The following MPDZ variants were observed in gnomAD, a reference collection of about 807,000 sequenced individuals.
MPDZ encodes multiple PDZ domain crumbs cell polarity complex component.
A neutral mutation model predicts 239.1 loss-of-function variants in MPDZ; 234 were observed. The observed-to-expected ratio is 0.98, with a 90% CI of 0.88 to 1.09. The LOEUF (loss-of-function observed/expected upper bound fraction) is 1.09, where lower values mean the gene tolerates loss of function less well. Ranked by LOEUF, MPDZ falls within the 50% of genes least tolerant of loss-of-function variation. The pLI is 0.00. For synonymous variants in MPDZ, 1,048 were observed against 881.3 expected, an observed-to-expected ratio of 1.19 and a Z score of -3.35; for missense variants, 3,175 against 2,510.0, an observed-to-expected ratio of 1.26 and a Z score of -5.66.
intron 1 of MPDZ, among the ~76,000 whole-genome samples, chr9:13,257,438 C>CT (rs1211688142): frequency 2.0e-5 from 3 of 152,152 alleles, no homozygotes; most frequent in Non-Finnish European, 4.4e-5. Flanking sequence ...AGCCCAAACT[C>CT]TATCACACTA....
chr9:13,140,195 G>GAA, intron 27 of MPDZ, 46 bp from the exon 28 acceptor site: 1 of 1,555,440 alleles, frequency 6.4e-7, no homozygotes, highest in African/African-American at 1.4e-5. Flanking sequence ...GTCTAAGGAA[G>GAA]AAAACTTCAA....
chr9:13,230,691 T>C (rs540796443), intron 3 of MPDZ, among the ~76,000 whole-genome samples: 1 of 152,230 alleles, frequency 6.6e-6, no homozygotes, highest in East Asian at 1.9e-4. Flanking sequence ...ATAGATCTGA[T>C]CTTGATTGTG....
chr9:13,194,215 T>A lies in MPDZ; in HGVS notation c.1657-902A>T, dbSNP rs191205225. ...ATTACCTTTATCTTGCCAAGGCCCA[T>A]AAATATCTTAGTCCTTTTTCATTTA... On this transcript the variant is annotated intron_variant, in intron 13 of 46. Transcript: ENST00000319217. Among the ~76,000 whole-genome samples the A allele has an allele frequency of 2.7e-4, 41 of 152,256 alleles. No individual in the cohort carries two copies. The East Asian group carries it at 5.8e-3, about 22-fold the overall frequency.
At chr9:13,265,196 G>A (rs532791240) in intron 1 of MPDZ, among the ~76,000 whole-genome samples, 92 of 152,264 alleles carry the variant, frequency 6.0e-4, no homozygotes, top group Non-Finnish European at 1.2e-3. Flanking sequence ...AATTCTCCAG[G>A]GAAATTACTT....
chr9:13,196,442 T>A (rs4741291), intron 12 of MPDZ, among the ~76,000 whole-genome samples: 80,433 of 152,018 alleles, frequency 0.53, 25,628 homozygotes, highest in Non-Finnish European at 0.7. Context: ...TTAACAGATG[T>A]ATTTTAAATC....
intron 10 of MPDZ, among the ~76,000 whole-genome samples, chr9:13,207,126 T>G (rs988503544): frequency 1.3e-5 from 2 of 152,146 alleles, no homozygotes; most frequent in Non-Finnish European, 2.9e-5. Context: ...AAGGTCATAT[T>G]TATATGGCCT....
At chr9:13,272,188 T>C (rs1468556792) in intron 1 of MPDZ, among the ~76,000 whole-genome samples, 1 of 152,044 alleles carries the variant, frequency 6.6e-6, no homozygotes, top group African/African-American at 2.4e-5. Context: ...TATACCACAA[T>C]AAAACAGTTA....
chr9:13,148,523 T>C (rs1475475735), intron 25 of MPDZ, among the ~76,000 whole-genome samples: 1 of 152,040 alleles, frequency 6.6e-6, no homozygotes, highest in African/African-American at 2.4e-5. Flanking sequence ...AAGAATTATA[T>C]AGATTTAGAT....
At chr9:13,222,586 TA>T (rs1752545993) in intron 5 of MPDZ, 140 bp from the exon 6 acceptor site, 43 of 671,284 alleles carry the variant, frequency 6.4e-5, no homozygotes, top group South Asian at 1.0e-4. Context: ...AGTTCTACTT[TA>T]AAAAAAATAC....
chr9:13,186,334 G>C lies in MPDZ; in HGVS notation c.2417C>G (p.Pro806Arg). 6.3e-7 allele frequency: 1 copy of C among 1,594,670 alleles called. No individual in the cohort carries two copies. Among genetic ancestry groups the C allele is most frequent in the Non-Finnish European group, 8.5e-7 (1 of 1,170,072 alleles). ...VSAKEDSFLY[P>R]PHSCEEAGLA... Reference sequence around the variant, plus strand: ...CCCTGCTTCCTCACAGGAGTGTGGTGGGTAGAGAAAGGAATCCTCCTTAGC... The same window carrying C: ...CCCTGCTTCCTCACAGGAGTGTGGTCGGTAGAGAAAGGAATCCTCCTTAGC... The change falls in exon 18 of 47, where the codon CCA (proline) becomes CGA (arginine). Residue 806 changes from proline to arginine, a missense_variant. Physicochemically the swap from Pro to Arg is moderately radical, Grantham distance 103. Transcript: ENST00000319217.
chr9:13,183,689 C>G (rs1953700872), intron 18 of MPDZ, 104 bp from the exon 19 acceptor site: 3 of 1,119,198 alleles, frequency 2.7e-6, no homozygotes, highest in African/African-American at 1.6e-5. Context: ...ATTCTTTTAT[C>G]TATTGTATTT....
At chr9:13,138,893 C>A (rs1293311679) in intron 28 of MPDZ, among the ~76,000 whole-genome samples, 1 of 152,158 alleles carries the variant, frequency 6.6e-6, no homozygotes, top group Non-Finnish European at 1.5e-5. Flanking sequence ...CCAGCTGGGC[C>A]CAGTCACCCA....
intron 38 of MPDZ, 87 bp downstream of exon 38, chr9:13,121,652 A>G: frequency 7.1e-7 from 1 of 1,405,650 alleles, no homozygotes; most frequent in South Asian, 1.2e-5. Flanking sequence ...CCACTGATAA[A>G]AGATTCACCT....
intron 1 of MPDZ, among the ~76,000 whole-genome samples, chr9:13,262,562 T>G (rs186724850): frequency 6.6e-6 from 1 of 151,570 alleles, no homozygotes; most frequent in South Asian, 2.1e-4. Flanking sequence ...AAAACTTTAA[T>G]GTACCACTAA....
intron 19 of MPDZ, among the ~76,000 whole-genome samples, chr9:13,180,439 T>C (rs755821723): frequency 6.6e-6 from 1 of 151,266 alleles, no homozygotes; most frequent in Non-Finnish European, 1.5e-5. Flanking sequence ...AGAGTAAGAG[T>C]ATGAGTGTAC....
At chr9:13,266,142 TC>T (rs1229323426) in intron 1 of MPDZ, among the ~76,000 whole-genome samples, 2 of 152,216 alleles carry the variant, frequency 1.3e-5, no homozygotes, top group African/African-American at 4.8e-5. Flanking sequence ...GATATTTTTA[TC>T]CTTCCCCAAC....
At chr9:13,275,522 A>G (rs1310634745) in intron 1 of MPDZ, among the ~76,000 whole-genome samples, 1 of 152,214 alleles carries the variant, frequency 6.6e-6, no homozygotes, top group African/African-American at 2.4e-5. Context: ...CAGCCCTATC[A>G]AACTAATACA....
intron 1 of MPDZ, among the ~76,000 whole-genome samples, chr9:13,260,024 TAG>T (rs889586483): frequency 3.3e-5 from 5 of 151,450 alleles, no homozygotes; most frequent in Non-Finnish European, 7.4e-5. Context: ...GTAATTTTAG[TAG>T]AGACACAGTT....
chr9:13,186,392 G>A lies in MPDZ; in HGVS notation c.2365-6C>T. On this transcript the variant is annotated splice_polypyrimidine_tract_variant and splice_region_variant and intron_variant, in intron 17 of 46. Transcript: ENST00000319217. ...TAACCTTCTTCTGGTGAAAGCTGCA[G>A]GGAAAAAATGGTATTCATGGAAAAG... 6.6e-7 allele frequency: 1 copy of A among 1,522,212 alleles called. No homozygotes were observed. Among genetic ancestry groups the A allele is most frequent in the Non-Finnish European group, 9.0e-7 (1 of 1,117,210 alleles). 94.3% of individuals were successfully genotyped at this position (1,522,212 alleles called of 1,614,324 possible). A position where few individuals can be genotyped will look rare whatever the true frequency, so the allele number is the denominator to read the frequency against.
Sources: gnomAD v4.1 joint callset for allele counts (sites outside exome capture counted in the v4.1 genomes callset) on GRCh38, gnomAD v4.1.1 for gene constraint, MANE v1.5 for transcripts, NCBI Gene and HGNC (gene_info 2026-07-23, HGNC 2026-07-21) for gene names.